The following ADAM32 variants were observed in gnomAD, a reference collection of about 807,000 sequenced individuals.
ADAM32 encodes the protein ADAM metallopeptidase domain 32.
Under a neutral mutation model 114.9 loss-of-function variants are expected in ADAM32, and 89 were observed. That is an observed-to-expected ratio of 0.77 (90% CI 0.65 to 0.92). ADAM32 has a LOEUF of 0.92. Ranked by LOEUF, ADAM32 falls within the 40% of genes least tolerant of loss-of-function variation. The probability of loss-of-function intolerance (pLI) is 0.00; values close to 1 mark genes in which losing one functional copy is unlikely to be tolerated. For missense variants in ADAM32, 870 were observed against 932.8 expected (o/e 0.93, Z 0.88); for synonymous variants, 285 against 307.5 (o/e 0.93, Z 0.77).
chr8:39,251,365 G>T (rs1236564983), intron 17 of ADAM32, among the ~76,000 whole-genome samples: 2 of 132,486 alleles, frequency 1.5e-5, no homozygotes, highest in Non-Finnish European at 3.1e-5. Context: ...TCAAAAAGAT[G>T]GTCTTTTTGT....
chr8:39,255,559 C>T (rs988458639), intron 18 of ADAM32, among the ~76,000 whole-genome samples: 5 of 151,784 alleles, frequency 3.3e-5, no homozygotes, highest in African/African-American at 1.2e-4. Context: ...GTCCTTAGCC[C>T]ATGTTTTGAT....
chr8:39,254,511 A>G lies in ADAM32; in HGVS notation c.2000A>G (p.Asp667Gly), dbSNP rs1331286641. 1.3e-6 allele frequency: 2 copies of G among 1,573,950 alleles called. No individual in the cohort carries two copies. The highest frequency in any genetic ancestry group is 1.7e-6 in the Non-Finnish European group (2 of 1,156,718). ...SKGFSIFPEE[D>G]MGSIMERASG... ...GGATTTTCCATATTTCCTGAGGAAG[A>G]TATGGGCAAGTATTTGTCTCTTTAA... Residue 667 changes from aspartate (D) to glycine (G), a missense_variant, in exon 18 of 25, where the codon GAT becomes GGT. Coordinates refer to ENST00000379907, the MANE Select transcript of ADAM32 (RefSeq NM_145004.7).
At chr8:39,194,322 G>T (rs908369229) in intron 11 of ADAM32, among the ~76,000 whole-genome samples, 1 of 152,096 alleles carries the variant, frequency 6.6e-6, no homozygotes, top group Admixed American at 6.5e-5. Flanking sequence ...CATGGGCTCT[G>T]TGCCTTCCAA....
intron 14 of ADAM32, among the ~76,000 whole-genome samples, chr8:39,230,301 A>G (rs552607240): frequency 6.6e-6 from 1 of 152,252 alleles, no homozygotes; most frequent in South Asian, 2.1e-4. Flanking sequence ...ACTTTTGAAA[A>G]CCAAGACAAG....
chr8:39,186,099 T>C (rs1377611598), intron 10 of ADAM32, among the ~76,000 whole-genome samples: 1 of 152,222 alleles, frequency 6.6e-6, no homozygotes, highest in East Asian at 1.9e-4. Flanking sequence ...GGCTTTCTGA[T>C]TCCGTTTGCA....
At chr8:39,270,804 G>T (rs1389441891) in intron 19 of ADAM32, 72 bp from the exon 20 acceptor site, 21 of 1,176,246 alleles carry the variant, frequency 1.8e-5, no homozygotes, top group Non-Finnish European at 2.5e-5. Flanking sequence ...ATTATAAAAT[G>T]GACTGATTTT....
intron 10 of ADAM32, among the ~76,000 whole-genome samples, chr8:39,175,307 A>G (rs1163552277): frequency 2.6e-5 from 4 of 152,154 alleles, no homozygotes; most frequent in African/African-American, 4.8e-5. Context: ...TCAGTATGAC[A>G]TTGGCTTTGG....
chr8:39,123,208 C>T lies in ADAM32; in HGVS notation c.138+5043C>T, dbSNP rs1367005439. ...TTTCATGTCTTTGCCATTTATCTAG[C>T]TGGCTTTCTTTGCACCAAGATCTCA... On this transcript the variant is annotated intron_variant, in intron 2 of 24. Transcript: ENST00000379907. Among the ~76,000 whole-genome samples, 3 of 152,156 alleles carry T rather than the reference C, an allele frequency of 2.0e-5. No homozygotes were observed. In the East Asian group the frequency reaches 5.8e-4, roughly 29 times the overall value.
Position 39,107,768 on chromosome 8 carries a change from G to A in ADAM32, c.-8G>A. ...ACGGCTTCCCGCTGGCAGCCCCGAAGCCGCACCATGTTCCGCCTCTGGTTG... is the reference window on the plus strand; with the variant it reads ...ACGGCTTCCCGCTGGCAGCCCCGAAACCGCACCATGTTCCGCCTCTGGTTG... On this transcript the variant is annotated 5_prime_UTR_variant, in exon 1 of 25. Coordinates refer to ENST00000379907, the MANE Select transcript of ADAM32 (RefSeq NM_145004.7). 9.0e-6 allele frequency: 14 copies of A among 1,550,528 alleles called. No individual in the cohort carries two copies. Among genetic ancestry groups the A allele is most frequent in the Non-Finnish European group, 1.2e-5 (14 of 1,146,706 alleles).
In ADAM32 at chr8:39,259,553, A is replaced by G. The variant is rs79986227; in HGVS notation, c.2162+2210A>G. On this transcript the variant is annotated intron_variant, in intron 19 of 24. Transcript: ENST00000379907. ...TATATAATGTCTAAATTTAATCATT[A>G]CATATAGTCTTCTTGGAAATAACCC... Among the ~76,000 whole-genome samples the G allele has an allele frequency of 5.1e-3, 783 of 152,254 alleles. 6 individuals are homozygous for G. The highest frequency in any genetic ancestry group is 0.018 in the African/African-American group (750 of 41,530).
At chr8:39,159,977 C>T in intron 6 of ADAM32, among the ~76,000 whole-genome samples, 1 of 152,030 alleles carries the variant, frequency 6.6e-6, no homozygotes, top group South Asian at 2.1e-4. Flanking sequence ...CAAGCATTGT[C>T]CTGTTTTTTA....
rs535243251 is a variant in ADAM32, at chr8:39,205,926, A to C, written c.1053-5218A>C. Among the ~76,000 whole-genome samples, 4 of 152,110 alleles carry C rather than the reference A, an allele frequency of 2.6e-5. No homozygotes were observed. In the South Asian group the frequency reaches 8.3e-4, roughly 32 times the overall value. On this transcript the variant is annotated intron_variant, in intron 11 of 24. Transcript: ENST00000379907. Reference sequence around the variant, plus strand: ...CTGCATAATTTTTGTATTCCTTTAGAGGAATATTTTTTCTTTCTTGTTTCA... The same window carrying C: ...CTGCATAATTTTTGTATTCCTTTAGCGGAATATTTTTTCTTTCTTGTTTCA...
intron 22 of ADAM32, among the ~76,000 whole-genome samples, 153 bp from the exon 23 acceptor site, chr8:39,280,983 C>T (rs1335509847): frequency 6.6e-6 from 1 of 151,894 alleles, no homozygotes; most frequent in Non-Finnish European, 1.5e-5. Flanking sequence ...GGGGTTTCAT[C>T]GTATTAGCCA....
chr8:39,110,579 A>T (rs1003221120), intron 1 of ADAM32, among the ~76,000 whole-genome samples: 1 of 152,226 alleles, frequency 6.6e-6, no homozygotes, highest in Admixed American at 6.5e-5. Context: ...TTGCTGAATC[A>T]TATGATAAGA....
chr8:39,198,770 C>T (rs537016455), intron 11 of ADAM32, among the ~76,000 whole-genome samples: 2 of 149,872 alleles, frequency 1.3e-5, no homozygotes, highest in East Asian at 2.0e-4. Flanking sequence ...TTTCTTTTCT[C>T]TTCTCCTTTT....
rs1554609616 is a variant in ADAM32 at position 39,185,346 on chromosome 8, A to AACAAAAAC, written c.916-1562_916-1561insCAAAAACA. Among the ~76,000 whole-genome samples the AACAAAAAC allele has an allele frequency of 4.1e-5, 6 of 146,492 alleles. 1 individual carries two copies. Among genetic ancestry groups the AACAAAAAC allele is most frequent in the Admixed American group, 4.1e-4 (6 of 14,664 alleles). On this transcript the variant is annotated intron_variant, in intron 10 of 24. Coordinates refer to ENST00000379907, the MANE Select transcript of ADAM32 (RefSeq NM_145004.7). ...GCTACTGTCATCTCCAGTCTACAAA[A>AACAAAAAC]AAAAAACAAAAAACAAACAAACAAA...
chr8:39,271,355 CA>C, intron 20 of ADAM32, among the ~76,000 whole-genome samples: 1 of 151,340 alleles, frequency 6.6e-6, no homozygotes, highest in Middle Eastern at 3.4e-3. Flanking sequence ...CATCAGAGAG[CA>C]ATGCATTACT....
intron 17 of ADAM32, among the ~76,000 whole-genome samples, chr8:39,253,193 C>T (rs73608622): frequency 2.0e-5 from 3 of 151,538 alleles, no homozygotes; most frequent in Non-Finnish European, 3.0e-5. Flanking sequence ...GATGAAAGAT[C>T]AATTTACTTT....
intron 14 of ADAM32, among the ~76,000 whole-genome samples, chr8:39,224,817 T>A (rs1389482182): frequency 1.3e-5 from 2 of 152,156 alleles, no homozygotes; most frequent in Non-Finnish European, 2.9e-5. Flanking sequence ...ATAATAGTCT[T>A]GTGAAGGCTC....
Sources: allele counts gnomAD v4.1 joint callset (sites outside exome capture counted in the v4.1 genomes callset), GRCh38; gene constraint gnomAD v4.1.1; transcripts MANE v1.5; gene names NCBI Gene and HGNC (gene_info 2026-07-23, HGNC 2026-07-21).